KCNQ1: variants seen among roughly 807,000 people sequenced by gnomAD.
The protein encoded by KCNQ1 is potassium voltage-gated channel subfamily Q member 1.
A neutral mutation model predicts 72.4 loss-of-function variants in KCNQ1; 49 were observed. The ratio of observed to expected loss-of-function variants is 0.68; its 90% CI spans 0.54 to 0.86. The LOEUF (loss-of-function observed/expected upper bound fraction) is 0.86. Ranked by LOEUF, KCNQ1 falls within the 40% of genes least tolerant of loss-of-function variation. The probability of loss-of-function intolerance (pLI) is 0.00; values close to 1 mark genes in which losing one functional copy is unlikely to be tolerated. For synonymous variants in KCNQ1, 450 were observed against 412.6 expected (o/e 1.09, Z -1.10); for missense variants, 790 against 945.1 (o/e 0.84, Z 2.15).
Position 2,508,093 on chromosome 11 carries a change from G to A in KCNQ1, c.387-19835G>A, listed in dbSNP as rs570213965. On this transcript the variant is annotated intron_variant, in intron 1 of 15. Coordinates refer to ENST00000155840, the MANE Select transcript of KCNQ1 (RefSeq NM_000218.3). The surrounding 1 kb of genome is among the most constrained non-coding windows in gnomAD (Gnocchi z 6.2). ...CACCCAGCTCGGCCCCACAGAGCTG[G>A]CCTGGGCCCCAGCAGGGGTCTGTGT... Among the ~76,000 whole-genome samples, 1 of 152,278 alleles carries A rather than the reference G, an allele frequency of 6.6e-6. No individual in the cohort carries two copies. Among genetic ancestry groups the A allele is most frequent in the Admixed American group, 6.5e-5 (1 of 15,304 alleles).
Position 2,784,485 on chromosome 11 carries a change from T to G in KCNQ1, c.1794+6448T>G, listed in dbSNP as rs1258067465. ...GTAAGTTTTCTAATTTTGTTCATCT[T>G]TTTACAAATTGTTTCTGTCTATTCT... On this transcript the variant is annotated intron_variant, in intron 15 of 15. Coordinates refer to ENST00000155840, the MANE Select transcript of KCNQ1 (RefSeq NM_000218.3). This position sits in a 1 kb window ranked among gnomAD's most constrained non-coding sequence, Gnocchi z 4.7. 1.3e-5 allele frequency among the ~76,000 whole-genome samples: 2 copies of G among 151,990 alleles called. No individual in the cohort carries two copies. Among genetic ancestry groups the G allele is most frequent in the Non-Finnish European group, 2.9e-5 (2 of 67,834 alleles).
At position 2,826,547 on chromosome 11, in the gene KCNQ1, C is replaced by G. The variant is rs1171009638; in HGVS notation, c.1795-21220C>G. On this transcript the variant is annotated intron_variant, in intron 15 of 15. Coordinates refer to ENST00000155840, the MANE Select transcript of KCNQ1 (RefSeq NM_000218.3). The surrounding 1 kb of genome is among the most constrained non-coding windows in gnomAD (Gnocchi z 4.2). ...CCCGCCCCCTCCTGCTGCTGCTTCC[C>G]CGAAGGCCTCCCCAGCAGACCTGCA... Among the ~76,000 whole-genome samples, 1 of 152,252 alleles carries G rather than the reference C, an allele frequency of 6.6e-6. No individual in the cohort carries two copies. The highest frequency in any genetic ancestry group is 2.4e-5 in the African/African-American group (1 of 41,474).
At position 2,457,477 on chromosome 11, in the gene KCNQ1, A is replaced by G. The variant is rs1002080993; in HGVS notation, c.386+11993A>G. Reference sequence around the variant, plus strand: ...TGAAAATCATGTCCTTTGCAGCAACATGGATGCAGCTGGAGGTCGTTATCC... The same window carrying G: ...TGAAAATCATGTCCTTTGCAGCAACGTGGATGCAGCTGGAGGTCGTTATCC... On this transcript the variant is annotated intron_variant, in intron 1 of 15. Transcript: ENST00000155840. The surrounding 1 kb of genome is among the most constrained non-coding windows in gnomAD (Gnocchi z 5.0). 2.0e-5 allele frequency among the ~76,000 whole-genome samples: 3 copies of G among 152,228 alleles called. No individual in the cohort carries two copies. The highest frequency in any genetic ancestry group is 4.4e-5 in the Non-Finnish European group (3 of 68,046).
chr11:2,809,154 A>G lies in KCNQ1; in HGVS notation c.1794+31117A>G, dbSNP rs893014925. On this transcript the variant is annotated intron_variant, in intron 15 of 15. Coordinates refer to ENST00000155840, the MANE Select transcript of KCNQ1 (RefSeq NM_000218.3). This position sits in a 1 kb window ranked among gnomAD's most constrained non-coding sequence, Gnocchi z 7.1. ...CACACCATCAGAAGCAAATATAAATATGGAATCAAGGGATGCCTGCAGCTT... is the reference window on the plus strand; with the variant it reads ...CACACCATCAGAAGCAAATATAAATGTGGAATCAAGGGATGCCTGCAGCTT... Among the ~76,000 whole-genome samples, 5 of 152,188 alleles carry G rather than the reference A, an allele frequency of 3.3e-5. No homozygotes were observed. Among genetic ancestry groups the G allele is most frequent in the Non-Finnish European group, 7.3e-5 (5 of 68,036 alleles).
In KCNQ1 at chr11:2,827,589, C is replaced by T. The variant is rs1352074283; in HGVS notation, c.1795-20178C>T. Among the ~76,000 whole-genome samples, 1 of 124,366 alleles carries T rather than the reference C, an allele frequency of 8.0e-6. No homozygotes were observed. The highest frequency in any genetic ancestry group is 3.1e-5 in the African/African-American group (1 of 32,582). The allele number at this position is 124,366 out of a possible 152,430, so 81.6% of individuals were successfully genotyped here. On this transcript the variant is annotated intron_variant, in intron 15 of 15. Transcript: ENST00000155840. The surrounding 1 kb of genome is among the most constrained non-coding windows in gnomAD (Gnocchi z 6.7). ...GGACGGAGTCTCTATTCCAGGCAGGCAAACACTCAGCTTAATTCAGGGTTC... is the reference window on the plus strand; with the variant it reads ...GGACGGAGTCTCTATTCCAGGCAGGTAAACACTCAGCTTAATTCAGGGTTC...
chr11:2,814,623 C>G (rs1847577096), intron 15 of KCNQ1, among the ~76,000 whole-genome samples: 1 of 142,436 alleles, frequency 7.0e-6, no homozygotes, highest in Non-Finnish European at 1.5e-5. Context: ...TGGAAGGAGA[C>G]AAGGAAGGAA....
Position 2,625,726 on chromosome 11 carries a change from C to T in KCNQ1, c.1394-36235C>T, listed in dbSNP as rs546505339. On this transcript the variant is annotated intron_variant, in intron 10 of 15. Transcript: ENST00000155840. ...CTGGGACTACAGGCGCCCACCACCA[C>T]GCCTGGCTAATTTTTTGTATTTTTA... The T allele has an allele frequency of 1.2e-4, 48 of 397,468 alleles. 1 individual carries two copies. The South Asian group carries it at 3.6e-3, about 29-fold the overall frequency. The allele number at this position is 397,468 out of a possible 1,614,324, so 24.6% of individuals were successfully genotyped here.
intron 2 of KCNQ1, among the ~76,000 whole-genome samples, chr11:2,532,639 G>A (rs958143063): frequency 2.6e-5 from 4 of 152,164 alleles, no homozygotes; most frequent in African/African-American, 7.2e-5. Context: ...AGGAGGGGGC[G>A]CTCAGGTGGG....
rs1177664371 is a variant in KCNQ1 at position 2,515,734 on chromosome 11, CTG to C, written c.387-12191_387-12190del. Among the ~76,000 whole-genome samples, 2 of 152,160 alleles carry C rather than the reference CTG, an allele frequency of 1.3e-5. No homozygotes were observed. Among genetic ancestry groups the C allele is most frequent in the Non-Finnish European group, 2.9e-5 (2 of 68,016 alleles). The stretch of plus-strand genomic sequence containing the variant: ...TCCCGGCGCCTTCTAAATATACTCT[CTG>C]TGGGTGTCTTATCACAGCCCAGGGA... On this transcript the variant is annotated intron_variant, in intron 1 of 15. Transcript: ENST00000155840. This position sits in a 1 kb window ranked among gnomAD's most constrained non-coding sequence, Gnocchi z 4.7.
rs231845 is a variant in KCNQ1 at position 2,715,453 on chromosome 11, C to A, written c.1514+53372C>A. 0.13 allele frequency among the ~76,000 whole-genome samples: 19,260 copies of A among 152,032 alleles called. 1,300 individuals are homozygous for A. Among genetic ancestry groups the A allele is most frequent in the South Asian group, 0.16 (751 of 4,820 alleles). On this transcript the variant is annotated intron_variant, in intron 11 of 15. Transcript: ENST00000155840. The surrounding 1 kb of genome is among the most constrained non-coding windows in gnomAD (Gnocchi z 4.9). ...GGGAATGGGGGGAGGCCAGGGAGGA[C>A]CCCCTGCAGCCTGGCTCAGGCAGGG... is the stretch of plus-strand genomic sequence containing the variant.
chr11:2,757,900 T>C (rs1368966921), intron 11 of KCNQ1, among the ~76,000 whole-genome samples: 2 of 152,338 alleles, frequency 1.3e-5, no homozygotes, highest in Middle Eastern at 3.4e-3. Context: ...TCACACTTTA[T>C]ATAAAAATTA....
rs1447061196 is a variant in KCNQ1 at position 2,715,058 on chromosome 11, G to T, written c.1514+52977G>T. On this transcript the variant is annotated intron_variant, in intron 11 of 15. Coordinates refer to ENST00000155840, the MANE Select transcript of KCNQ1 (RefSeq NM_000218.3). This position sits in a 1 kb window ranked among gnomAD's most constrained non-coding sequence, Gnocchi z 4.9. ...CGGTGGTTGGTGCTGGTGAGGAGTA[G>T]CAGGGTGGGGTCCGGCGGTAATGCC... Among the ~76,000 whole-genome samples, 1 of 152,128 alleles carries T rather than the reference G, an allele frequency of 6.6e-6. No homozygotes were observed. Among genetic ancestry groups the T allele is most frequent in the Non-Finnish European group, 1.5e-5 (1 of 68,020 alleles).
intron 2 of KCNQ1, among the ~76,000 whole-genome samples, chr11:2,542,577 C>T (rs1394081044): frequency 6.6e-6 from 1 of 152,226 alleles, no homozygotes; most frequent in African/African-American, 2.4e-5. Flanking sequence ...ACATCCGTCA[C>T]CCCCAGAAGG....
At position 2,647,250 on chromosome 11, in the gene KCNQ1, T is replaced by G. The variant is rs545162640; in HGVS notation, c.1394-14711T>G. 1.5e-5 allele frequency: 6 copies of G among 398,532 alleles called. No homozygotes were observed. The South Asian group carries it at 7.7e-4, about 51-fold the overall frequency. The allele number at this position is 398,532 out of a possible 1,614,324, so 24.7% of individuals were successfully genotyped here. On this transcript the variant is annotated intron_variant, in intron 10 of 15. Coordinates refer to ENST00000155840, the MANE Select transcript of KCNQ1 (RefSeq NM_000218.3). The surrounding 1 kb of genome is among the most constrained non-coding windows in gnomAD (Gnocchi z 4.0). ...AGATGATCATGTATTTTTTTGTCCT[T>G]CCTTCTGTTAATGTGATGTATCACA...
At chr11:2,499,520 A>ACG (rs1846974305) in intron 1 of KCNQ1, among the ~76,000 whole-genome samples, 7 of 131,380 alleles carry the variant, frequency 5.3e-5, no homozygotes, top group African/African-American at 1.8e-4. Flanking sequence ...GGTTGAATGG[A>ACG]CCCCTGCCCC....
rs1264985867 is a variant in KCNQ1, at chr11:2,664,833, A to C, written c.1514+2752A>C. 2.5e-6 allele frequency: 1 copy of C among 398,668 alleles called. No individual in the cohort carries two copies. The highest frequency in any genetic ancestry group is 2.1e-5 in the African/African-American group (1 of 48,738). 24.7% of individuals were successfully genotyped at this position (398,668 alleles called of 1,614,324 possible). On this transcript the variant is annotated intron_variant, in intron 11 of 15. Coordinates refer to ENST00000155840, the MANE Select transcript of KCNQ1 (RefSeq NM_000218.3). This position sits in a 1 kb window ranked among gnomAD's most constrained non-coding sequence, Gnocchi z 5.1. The stretch of plus-strand genomic sequence containing the variant: ...TTTCTTCAGCATTCTACTGATGTTA[A>C]ATGTATTACCATGCTGGGCCAGTTC...
Position 2,830,920 on chromosome 11 carries a change from C to T in KCNQ1, c.1795-16847C>T, listed in dbSNP as rs574387616. On this transcript the variant is annotated intron_variant, in intron 15 of 15. Coordinates refer to ENST00000155840, the MANE Select transcript of KCNQ1 (RefSeq NM_000218.3). This position sits in a 1 kb window ranked among gnomAD's most constrained non-coding sequence, Gnocchi z 7.7. ...GAGCTGACCAGGGAGTCTTTGAAAC[C>T]GCAAGGGTACCCTTGGGAGACCCCG... Among the ~76,000 whole-genome samples, 63 of 152,306 alleles carry T rather than the reference C, an allele frequency of 4.1e-4. No individual in the cohort carries two copies. The South Asian group carries it at 0.01, about 25-fold the overall frequency.
intron 15 of KCNQ1, among the ~76,000 whole-genome samples, chr11:2,799,554 G>A (rs553286167): frequency 5.1e-4 from 77 of 151,840 alleles, no homozygotes; most frequent in Middle Eastern, 6.8e-3. Context: ...TGCATGTATC[G>A]TGTGTGTGGT....
At chr11:2,794,848 AG>A (rs1847099019) in intron 15 of KCNQ1, among the ~76,000 whole-genome samples, 2 of 152,128 alleles carry the variant, frequency 1.3e-5, no homozygotes, top group African/African-American at 4.8e-5. Flanking sequence ...TCCCTAGCGG[AG>A]GGAAAGACGG....
Sources: gnomAD v4.1 joint callset for allele counts (sites outside exome capture counted in the v4.1 genomes callset) on GRCh38, gnomAD v4.1.1 for gene constraint, Gnocchi (gnomAD v3.1) non-coding constraint, MANE v1.5 for transcripts, NCBI Gene and HGNC (gene_info 2026-07-23, HGNC 2026-07-21) for gene names.